Variants in RNF135 observed in about 807,000 individuals in gnomAD.
RNF135 encodes E3 ubiquitin-protein ligase RNF135.
A neutral mutation model predicts 41.9 loss-of-function variants in RNF135; 46 were observed. That is an observed-to-expected ratio of 1.10 (90% CI 0.87 to 1.40). The LOEUF is 1.40. Ranked by LOEUF, RNF135 falls within the 40% of genes most tolerant of loss-of-function variation. The pLI, the probability that RNF135 is intolerant of heterozygous loss-of-function variation, is 0.00. For missense variants in RNF135, 539 were observed against 549.8 expected (o/e 0.98, Z 0.20); for synonymous variants, 238 against 223.8 (o/e 1.06, Z -0.57).
At chr17:30,998,262 G>C (rs1038625692) in intron 4 of RNF135, among the ~76,000 whole-genome samples, 1 of 152,186 alleles carries the variant, frequency 6.6e-6, no homozygotes, top group Non-Finnish European at 1.5e-5. Flanking sequence ...GTATAGTCTG[G>C]GTGCAGTGGC....
upstream of RNF135, among the ~76,000 whole-genome samples, chr17:30,969,599 CTG>C (rs1905714799): frequency 6.6e-6 from 1 of 152,156 alleles, no homozygotes; most frequent in African/African-American, 2.4e-5. Flanking sequence ...CATATTACCT[CTG>C]TGTGTTTCAA....
chr17:30,965,931 T>C, the RNF135 span, among the ~76,000 whole-genome samples: 1 of 152,160 alleles, frequency 6.6e-6, no homozygotes, highest in South Asian at 2.1e-4. Flanking sequence ...TCTCCACCAA[T>C]CTTAGATTCT....
At chr17:30,967,783 C>T (rs533578509), upstream of RNF135, among the ~76,000 whole-genome samples, 7 of 151,154 alleles carry the variant, frequency 4.6e-5, no homozygotes, top group East Asian at 1.4e-3. Flanking sequence ...CTCATGGCAA[C>T]CTTCACCTCC....
intron 1 of RNF135, among the ~76,000 whole-genome samples, chr17:30,983,320 C>CATATATATATATATATATATATATAT (rs1189144519): frequency 2.7e-5 from 1 of 37,074 alleles, no homozygotes; most frequent in Non-Finnish European, 6.5e-5. Flanking sequence ...CATATATGTA[C>CATATATATATATATATATATATATAT]ATATATATAT....
At chr17:30,970,822 C>G (rs988108772), upstream of RNF135, 45 of 564,038 alleles carry the variant, frequency 8.0e-5, no homozygotes, top group Non-Finnish European at 1.2e-4. Flanking sequence ...TTTCTAGCAG[C>G]TCGCGGCATG....
At chr17:30,975,603 A>C (rs539389487) in intron 1 of RNF135, 2 of 889,554 alleles carry the variant, frequency 2.2e-6, no homozygotes, top group African/African-American at 1.6e-5. Context: ...AAACTCAAGA[A>C]AGCCAAATAA....
At chr17:30,992,371 ATTT>A (rs555306484) in intron 3 of RNF135, among the ~76,000 whole-genome samples, 2 of 139,556 alleles carry the variant, frequency 1.4e-5, no homozygotes, top group African/African-American at 2.6e-5. Flanking sequence ...TCTGGCCTCA[ATTT>A]TTTTTTTTTT....
At chr17:30,977,027 C>T (rs1906521215) in intron 1 of RNF135, among the ~76,000 whole-genome samples, 1 of 151,984 alleles carries the variant, frequency 6.6e-6, no homozygotes, top group African/African-American at 2.4e-5. Flanking sequence ...TCCTTCTTTT[C>T]TGTCTTCCTT....
chr17:30,971,459 G>A lies in RNF135; in HGVS notation c.372+14G>A, dbSNP rs181766710. The stretch of plus-strand genomic sequence containing the variant: ...GAACTGCAGCGGGTAGGGAGGCCGG[G>A]CCCGCAGCTCCCCTGGCTCCCCCGG... On this transcript the variant is annotated intron_variant, in intron 1 of 4. Coordinates refer to ENST00000328381, the MANE Select transcript of RNF135 (RefSeq NM_032322.4). 4 of 1,490,116 alleles carry A rather than the reference G, an allele frequency of 2.7e-6. No homozygotes were observed. The highest frequency in any genetic ancestry group is 4.5e-5 in the Admixed American group (2 of 44,016). 92.3% of individuals were successfully genotyped at this position (1,490,116 alleles called of 1,614,324 possible).
the RNF135 span, among the ~76,000 whole-genome samples, chr17:30,964,050 T>C: frequency 3.3e-5 from 5 of 152,058 alleles, no homozygotes; most frequent in African/African-American, 7.2e-5. Context: ...AATTTAATGA[T>C]CTCTTCCGTC....
chr17:30,973,268 A>G (rs1377088234), intron 1 of RNF135: 1 of 152,220 alleles, frequency 6.6e-6, no homozygotes, highest in African/African-American at 2.4e-5. Context: ...CAAATTAGAT[A>G]TGACTCACAG....
At chr17:30,966,620 C>G (rs539954377), upstream of RNF135, among the ~76,000 whole-genome samples, 10 of 150,550 alleles carry the variant, frequency 6.6e-5, no homozygotes, top group African/African-American at 2.4e-4. Flanking sequence ...CTCAGCCTCC[C>G]GAGTAGCTGA....
At chr17:30,996,052 C>T (rs2142733358) in intron 3 of RNF135, among the ~76,000 whole-genome samples, 1 of 150,564 alleles carries the variant, frequency 6.6e-6, no homozygotes, top group Admixed American at 6.6e-5. Flanking sequence ...ATTGGGATTA[C>T]AGGCGTGAGC....
chr17:30,995,442 C>G (rs1437901679), intron 3 of RNF135, among the ~76,000 whole-genome samples: 1 of 152,014 alleles, frequency 6.6e-6, no homozygotes, highest in African/African-American at 2.4e-5. Flanking sequence ...GTTGCCCAGG[C>G]TGGTCTGGAA....
chr17:30,979,431 G>A (rs1906793979), intron 1 of RNF135, among the ~76,000 whole-genome samples: 3 of 111,818 alleles, frequency 2.7e-5, no homozygotes, highest in Non-Finnish European at 3.8e-5. Flanking sequence ...CTTCCCAGTA[G>A]GGGCGGCCGG....
At chr17:30,978,080 T>C (rs545072921) in intron 1 of RNF135, among the ~76,000 whole-genome samples, 5 of 152,218 alleles carry the variant, frequency 3.3e-5, no homozygotes, top group African/African-American at 4.8e-5. Flanking sequence ...CTATAAGGTT[T>C]CCACTGAAAA....
chr17:30,993,989 GA>G (rs1908167730), intron 3 of RNF135: 1 of 478,462 alleles, frequency 2.1e-6, no homozygotes, highest in African/African-American at 2.0e-5. Context: ...ACTTTTTGTA[GA>G]GATGAGGTTT....
chr17:30,995,603 G>C (rs1039641725), intron 3 of RNF135, among the ~76,000 whole-genome samples: 1 of 151,972 alleles, frequency 6.6e-6, no homozygotes, highest in East Asian at 1.9e-4. Flanking sequence ...CCTCCTACCT[G>C]GCAACCACTA....
chr17:30,976,251 G>T (rs1036414917), intron 1 of RNF135, among the ~76,000 whole-genome samples: 4 of 152,132 alleles, frequency 2.6e-5, no homozygotes, highest in African/African-American at 9.7e-5. Context: ...TGATCCACCC[G>T]CCTCGGCCTC....
Sources: allele counts gnomAD v4.1 joint callset (sites outside exome capture counted in the v4.1 genomes callset), GRCh38; gene constraint gnomAD v4.1.1; transcripts MANE v1.5; gene names NCBI Gene and HGNC (gene_info 2026-07-23, HGNC 2026-07-21).